The following SAMD3 variants were observed in gnomAD, a reference collection of about 807,000 sequenced individuals.
SAMD3 encodes the protein sterile alpha motif domain-containing protein 3.
A neutral mutation model predicts 58.5 loss-of-function variants in SAMD3; 63 were observed. The ratio of observed to expected loss-of-function variants is 1.08; its 90% CI spans 0.88 to 1.33. The LOEUF (loss-of-function observed/expected upper bound fraction) is 1.33. SAMD3 is among the 40% of genes most tolerant of loss of function. The pLI is 0.00. For synonymous variants in SAMD3, 220 were observed against 210.3 expected (o/e 1.05, Z -0.40); for missense variants, 604 against 608.4 (o/e 0.99, Z 0.08).
chr6:130,224,596 TTATTATTATTATTA>T (rs967325786), upstream of SAMD3, among the ~76,000 whole-genome samples: 6 of 51,892 alleles, frequency 1.2e-4, no homozygotes, highest in African/African-American at 8.2e-4. Flanking sequence ...TATTTATTTA[TTATTATTATTATTA>T]TTATTATTAT....
intron 5 of SAMD3, among the ~76,000 whole-genome samples, chr6:130,186,767 ATTTTTTTT>A (rs35592601): frequency 9.3e-6 from 1 of 107,036 alleles, no homozygotes; most frequent in Non-Finnish European, 1.8e-5. Context: ...CCTTCCTGGG[ATTTTTTTT>A]TTTTTTTTTT....
intron 1 of SAMD3, among the ~76,000 whole-genome samples, chr6:130,319,012 A>C (rs1279519128): frequency 2.6e-5 from 4 of 152,202 alleles, no homozygotes; most frequent in Non-Finnish European, 5.9e-5. Flanking sequence ...AAAAAGACAG[A>C]CTGGATCAAT....
intron 9 of SAMD3, among the ~76,000 whole-genome samples, chr6:130,153,165 C>T (rs139467042): frequency 4.0e-5 from 6 of 151,762 alleles, no homozygotes; most frequent in East Asian, 2.0e-4. Flanking sequence ...GTGTATAGAC[C>T]GTAAGTTTGA....
chr6:130,228,419 A>T (rs942840167), intron 2 of SAMD3, among the ~76,000 whole-genome samples: 1 of 152,186 alleles, frequency 6.6e-6, no homozygotes, highest in African/African-American at 2.4e-5. Context: ...ACAAAATGGA[A>T]TTTGGGAGAA....
intron 5 of SAMD3, among the ~76,000 whole-genome samples, chr6:130,186,605 G>A (rs998548465): frequency 4.6e-5 from 7 of 151,946 alleles, no homozygotes; most frequent in African/African-American, 1.7e-4. Context: ...TTTATTAGGG[G>A]TCTACTAAAT....
At chr6:130,224,592 TTTA>T (rs147379974), upstream of SAMD3, among the ~76,000 whole-genome samples, 2,445 of 143,876 alleles carry the variant, frequency 0.017, 29 homozygotes, top group Middle Eastern at 0.036. Flanking sequence ...ACTCTATTTA[TTTA>T]TTATTATTAT....
chr6:130,226,560 C>T (rs889050776), upstream of SAMD3, among the ~76,000 whole-genome samples: 1 of 152,264 alleles, frequency 6.6e-6, no homozygotes, highest in Non-Finnish European at 1.5e-5. Flanking sequence ...GGCACCATGG[C>T]TCACGCCTGT....
At chr6:130,195,335 T>C (rs1384776983) in intron 5 of SAMD3, among the ~76,000 whole-genome samples, 2 of 152,124 alleles carry the variant, frequency 1.3e-5, no homozygotes, top group African/African-American at 4.8e-5. Flanking sequence ...CAAGATCCCA[T>C]CCCACAGCAC....
chr6:130,201,404 G>A (rs868462885), intron 5 of SAMD3, among the ~76,000 whole-genome samples: 16 of 152,110 alleles, frequency 1.1e-4, no homozygotes, highest in South Asian at 2.1e-4. Flanking sequence ...TCAAAACGTG[G>A]TCTTAGAACA....
At chr6:130,284,970 T>C (rs1775106915) in intron 2 of SAMD3, among the ~76,000 whole-genome samples, 1 of 152,186 alleles carries the variant, frequency 6.6e-6, no homozygotes, top group Non-Finnish European at 1.5e-5. Flanking sequence ...AATTCTTTAT[T>C]TGCATCTCTG....
At chr6:130,204,443 C>T (rs764044918) in intron 5 of SAMD3, among the ~76,000 whole-genome samples, 1 of 151,998 alleles carries the variant, frequency 6.6e-6, no homozygotes, top group Non-Finnish European at 1.5e-5. Flanking sequence ...CCTCTGTCTA[C>T]AAAAAATACA....
chr6:130,191,171 G>A (rs1475211981), intron 5 of SAMD3, among the ~76,000 whole-genome samples: 1 of 151,884 alleles, frequency 6.6e-6, no homozygotes, highest in Admixed American at 6.6e-5. Flanking sequence ...GGGTGATTCA[G>A]GATTCTTCTA....
intron 9 of SAMD3, among the ~76,000 whole-genome samples, chr6:130,153,166 G>GT (rs1302528420): frequency 6.6e-6 from 1 of 151,624 alleles, no homozygotes; most frequent in Non-Finnish European, 1.5e-5. Flanking sequence ...TGTATAGACC[G>GT]TAAGTTTGAC....
chr6:130,259,369 G>A (rs1774034408), intron 2 of SAMD3, among the ~76,000 whole-genome samples: 1 of 152,178 alleles, frequency 6.6e-6, no homozygotes, highest in African/African-American at 2.4e-5. Flanking sequence ...CATGGTGAGA[G>A]AGAAAGCAAG....
In SAMD3 at chr6:130,259,782, C is replaced by T. The variant is rs191851008; in HGVS notation, c.-187-36969G>A. Among the ~76,000 whole-genome samples, 297 of 152,242 alleles carry T rather than the reference C, an allele frequency of 2.0e-3. 3 individuals are homozygous for T. The highest frequency in any genetic ancestry group is 6.9e-3 in the African/African-American group (286 of 41,540). ...GTAACACAGAGAGAGCCTGCCTATC[C>T]TTTACCCAGATTCCTCTAGTGATAA... On this transcript the variant is annotated intron_variant, in intron 2 of 13. Transcript: ENST00000368134.
chr6:130,243,034 A>G (rs888174299), intron 2 of SAMD3, among the ~76,000 whole-genome samples: 3 of 152,174 alleles, frequency 2.0e-5, no homozygotes, highest in Admixed American at 6.5e-5. Flanking sequence ...ATAGTTTCAC[A>G]TCACAGAGGC....
chr6:130,297,560 G>A (rs1311524402), intron 2 of SAMD3, among the ~76,000 whole-genome samples: 1 of 152,040 alleles, frequency 6.6e-6, no homozygotes, highest in Non-Finnish European at 1.5e-5. Flanking sequence ...TGAAATGACA[G>A]AAAAAGAATT....
At chr6:130,266,272 G>A (rs1774352497) in intron 2 of SAMD3, among the ~76,000 whole-genome samples, 1 of 152,148 alleles carries the variant, frequency 6.6e-6, no homozygotes, top group South Asian at 2.1e-4. Flanking sequence ...GCAATTAGCT[G>A]AGCATGTAGC....
chr6:130,352,890 G>C (rs1777721185), intron 1 of SAMD3, among the ~76,000 whole-genome samples: 1 of 151,904 alleles, frequency 6.6e-6, no homozygotes, highest in African/African-American at 2.4e-5. Context: ...AGAAATTTTT[G>C]GTTTTACCTA....
Sources: allele counts gnomAD v4.1 joint callset (sites outside exome capture counted in the v4.1 genomes callset), GRCh38; gene constraint gnomAD v4.1.1; transcripts MANE v1.5; gene names NCBI Gene and HGNC (gene_info 2026-07-23, HGNC 2026-07-21).